Variants in THSD7A observed in about 807,000 individuals in gnomAD.
The protein encoded by THSD7A is thrombospondin type 1 domain containing 7A, also known as thrombospondin type-1 domain-containing protein 7A.
THSD7A carries 96 observed loss-of-function variants against 231.3 expected under a neutral mutation model. The observed-to-expected ratio is 0.41, with a 90% CI of 0.35 to 0.49. The LOEUF is 0.49. Among genes scored for constraint, THSD7A ranks in the 20% least tolerant of loss-of-function variants. The pLI, the probability that THSD7A is intolerant of heterozygous loss-of-function variation, is 0.05. For synonymous variants in THSD7A, 940 were observed against 743.3 expected (o/e 1.26, Z -4.30); for missense variants, 2,290 against 2,070.2 (o/e 1.11, Z -2.06).
intron 3 of THSD7A, among the ~76,000 whole-genome samples, chr7:11,592,558 T>G (rs925117269): frequency 1.3e-5 from 2 of 152,242 alleles, no homozygotes; most frequent in Non-Finnish European, 1.5e-5. Flanking sequence ...TTAATCTGAA[T>G]TCAATGAATA....
chr7:11,610,445 T>C (rs1031819880), intron 2 of THSD7A, among the ~76,000 whole-genome samples: 2 of 152,118 alleles, frequency 1.3e-5, no homozygotes, highest in Non-Finnish European at 2.9e-5. Flanking sequence ...AAGAGTATTT[T>C]ATGTGTAATA....
At chr7:11,567,025 C>T (rs893733174) in intron 4 of THSD7A, among the ~76,000 whole-genome samples, 2 of 139,676 alleles carry the variant, frequency 1.4e-5, no homozygotes, top group Non-Finnish European at 3.0e-5. Flanking sequence ...TCTCTAAGGA[C>T]CAGCTCTAGG....
chr7:11,510,921 A>C (rs1787780536), intron 6 of THSD7A, among the ~76,000 whole-genome samples: 1 of 152,154 alleles, frequency 6.6e-6, no homozygotes, highest in Non-Finnish European at 1.5e-5. Context: ...ACAGTGTTGG[A>C]AGTTCTGGCC....
chr7:11,823,031 C>T (rs553491315), intron 1 of THSD7A, among the ~76,000 whole-genome samples: 1 of 152,140 alleles, frequency 6.6e-6, no homozygotes, highest in East Asian at 1.9e-4. Context: ...ATTGCTCAGA[C>T]CAATGTCCAG....
chr7:11,413,560 T>C (rs917267196), intron 17 of THSD7A, among the ~76,000 whole-genome samples: 7 of 152,270 alleles, frequency 4.6e-5, no homozygotes, highest in Middle Eastern at 3.4e-3. Context: ...CGCTTTTCTC[T>C]TAGTTATTCC....
At chr7:11,379,847 G>T in intron 24 of THSD7A, 135 bp from the exon 25 acceptor site, 1 of 962,304 alleles carries the variant, frequency 1.0e-6, no homozygotes, top group East Asian at 2.6e-5. Flanking sequence ...GGTTGACTGT[G>T]AAATATTTGG....
intron 6 of THSD7A, among the ~76,000 whole-genome samples, chr7:11,482,832 T>C (rs1392545680): frequency 6.6e-6 from 1 of 152,162 alleles, no homozygotes; most frequent in Non-Finnish European, 1.5e-5. Flanking sequence ...ATTTGCTGAA[T>C]GCGTGAAATG....
rs532571260 is a variant in THSD7A at position 11,542,735 on chromosome 7, T to A, written c.1609+227A>T. Among the ~76,000 whole-genome samples, 62 of 152,334 alleles carry A rather than the reference T, an allele frequency of 4.1e-4. No homozygotes were observed. In the Middle Eastern group the frequency reaches 0.01, roughly 25 times the overall value. On this transcript the variant is annotated intron_variant, in intron 5 of 27. Transcript: ENST00000423059. ...AACCATTGCACTAAACTGTCTCAGA[T>A]CCTCTCCATCATGTTGTCTAAATTA...
rs1211694737 is a variant in THSD7A, at chr7:11,525,408, G to A, written c.1822+16011C>T. The stretch of plus-strand genomic sequence containing the variant: ...TAAATTAAGAAGGTAAGAACAATTA[G>A]TAATTCATCACTGTCAATAAAGCCA... On this transcript the variant is annotated intron_variant, in intron 6 of 27. Transcript: ENST00000423059. Among the ~76,000 whole-genome samples the A allele has an allele frequency of 4.6e-5, 7 of 152,220 alleles. No individual in the cohort carries two copies. The South Asian group carries it at 1.2e-3, about 27-fold the overall frequency.
At chr7:11,427,206 A>T (rs1784348240) in intron 14 of THSD7A, among the ~76,000 whole-genome samples, 1 of 152,214 alleles carries the variant, frequency 6.6e-6, no homozygotes. Context: ...AATTGTAGTA[A>T]ACACCTATGT....
chr7:11,402,235 G>A (rs188970977), intron 22 of THSD7A, among the ~76,000 whole-genome samples: 5 of 152,272 alleles, frequency 3.3e-5, no homozygotes, highest in Admixed American at 2.0e-4. Context: ...CTCATCCACC[G>A]TAATTCATCT....
At position 11,573,608 on chromosome 7, in the gene THSD7A, G is replaced by A. The variant is rs145918027; in HGVS notation, c.1453+16852C>T. ...AATTTTATAGTTGTTCTTATGGCAGGGTTCCATTTATTCTCTTATGGATAG... is the reference window on the plus strand; with the variant it reads ...AATTTTATAGTTGTTCTTATGGCAGAGTTCCATTTATTCTCTTATGGATAG... On this transcript the variant is annotated intron_variant, in intron 4 of 27. Coordinates refer to ENST00000423059, the MANE Select transcript of THSD7A (RefSeq NM_015204.3). Among the ~76,000 whole-genome samples the A allele has an allele frequency of 3.7e-3, 563 of 152,210 alleles. 2 individuals carry two copies. Among genetic ancestry groups the A allele is most frequent in the African/African-American group, 0.013 (543 of 41,524 alleles).
chr7:11,542,908 A>G, intron 5 of THSD7A, 54 bp downstream of exon 5: 1 of 1,543,874 alleles, frequency 6.5e-7, no homozygotes, highest in South Asian at 1.2e-5. Context: ...AAAATAATTC[A>G]TGATTTGATA....
Position 11,643,859 on chromosome 7 carries a change from C to T in THSD7A, c.191-6898G>A, listed in dbSNP as rs371696387. On this transcript the variant is annotated intron_variant, in intron 1 of 27. Coordinates refer to ENST00000423059, the MANE Select transcript of THSD7A (RefSeq NM_015204.3). ...TAATTTGGTGAAAGGCTTTTGCACA[C>T]TTTCAAGCTTTTGATACATGTAGTA... Among the ~76,000 whole-genome samples the T allele has an allele frequency of 6.6e-5, 10 of 152,124 alleles. No homozygotes were observed. In the South Asian group the frequency reaches 1.0e-3, roughly 16 times the overall value.
At chr7:11,412,856 T>A in intron 17 of THSD7A, 56 bp from the exon 18 acceptor site, 2 of 1,565,762 alleles carry the variant, frequency 1.3e-6, no homozygotes, top group Non-Finnish European at 1.7e-6. Context: ...ACACAACTGG[T>A]ATATTAGAGA....
chr7:11,417,696 A>G (rs1434729486), intron 16 of THSD7A, 93 bp from the exon 17 acceptor site: 2 of 1,321,690 alleles, frequency 1.5e-6, no homozygotes, highest in East Asian at 2.5e-5. Context: ...CACAGGACAG[A>G]TGGTTCTCCT....
intron 3 of THSD7A, among the ~76,000 whole-genome samples, chr7:11,592,882 T>C (rs1337651334): frequency 2.0e-5 from 3 of 152,038 alleles, no homozygotes; most frequent in African/African-American, 7.2e-5. Flanking sequence ...TAAATAAAAT[T>C]GTATTGGAAC....
rs1161758889 is a variant in THSD7A at position 11,619,956 on chromosome 7, T to C, written c.1022+16174A>G. Among the ~76,000 whole-genome samples, 4 of 152,306 alleles carry C rather than the reference T, an allele frequency of 2.6e-5. 1 individual carries two copies. The highest frequency in any genetic ancestry group is 4.1e-4 in the South Asian group (2 of 4,826). ...TATAAGGTGCTGTTCATCTTTAACA[T>C]AGAAGAAGGCTCTAGTTTGGTCTAG... On this transcript the variant is annotated intron_variant, in intron 2 of 27. Coordinates refer to ENST00000423059, the MANE Select transcript of THSD7A (RefSeq NM_015204.3).
At chr7:11,431,412 A>C (rs1784474414) in intron 13 of THSD7A, among the ~76,000 whole-genome samples, 1 of 152,118 alleles carries the variant, frequency 6.6e-6, no homozygotes, top group African/African-American at 2.4e-5. Context: ...ATTCTTTTGC[A>C]TGTGGTTATT....
Sources: allele counts gnomAD v4.1 joint callset (sites outside exome capture counted in the v4.1 genomes callset), GRCh38; gene constraint gnomAD v4.1.1; transcripts MANE v1.5; gene names NCBI Gene and HGNC (gene_info 2026-07-23, HGNC 2026-07-21).